The following IARS1 variants were observed in gnomAD, a reference collection of about 807,000 sequenced individuals.
IARS1 encodes the protein isoleucyl-tRNA synthetase 1.
Under a neutral mutation model 168.2 loss-of-function variants are expected in IARS1, and 124 were observed. The observed-to-expected ratio is 0.74, with a 90% CI of 0.64 to 0.86. The LOEUF (loss-of-function observed/expected upper bound fraction) is 0.86, where lower values mean the gene tolerates loss of function less well. Ranked by LOEUF, IARS1 falls within the 40% of genes least tolerant of loss-of-function variation. IARS1 has a pLI of 0.00. For synonymous variants in IARS1, 532 were observed against 529.4 expected, an observed-to-expected ratio of 1.00 and a Z score of -0.07; for missense variants, 1,452 against 1,515.8, an observed-to-expected ratio of 0.96 and a Z score of 0.70.
rs57075703 is a variant in IARS1 at position 92,292,181 on chromosome 9, CTTTTT to C, written c.-8+1425_-8+1429del. On this transcript the variant is annotated intron_variant, in intron 1 of 33. Transcript: ENST00000443024. Reference sequence around the variant, plus strand: ...TACAGGTGTGCACCACCACACTCAGCTTTTTTTTTTTTTTTTTTTGGTGGGGAGGG... The same window carrying C: ...TACAGGTGTGCACCACCACACTCAGCTTTTTTTTTTTTTTGGTGGGGAGGG... 2.9e-3 allele frequency among the ~76,000 whole-genome samples: 348 copies of C among 118,006 alleles called. 3 individuals carry two copies. Among genetic ancestry groups the C allele is most frequent in the African/African-American group, 8.6e-3 (271 of 31,562 alleles). The allele number at this position is 118,006 out of a possible 152,430, so 77.4% of individuals were successfully genotyped here. A position where few individuals can be genotyped will look rare whatever the true frequency, so the allele number is the denominator to read the frequency against.
At chr9:92,218,077 T>A (rs1028497890) in intron 33 of IARS1, among the ~76,000 whole-genome samples, 2 of 152,120 alleles carry the variant, frequency 1.3e-5, no homozygotes, top group South Asian at 2.1e-4. Flanking sequence ...TTATCCACCA[T>A]GATCAAGTGG....
In IARS1 at chr9:92,210,748, T is replaced by C. The variant is rs1587666468; in HGVS notation, c.*59A>G. ...TCATGTGTGTGTCTATGTGCATGTA[T>C]GTGTAGGGGATAGGTGTAATTAGGG... On this transcript the variant is annotated 3_prime_UTR_variant, in exon 34 of 34. Transcript: ENST00000443024. 2.0e-5 allele frequency: 19 copies of C among 934,352 alleles called. No homozygotes were observed. The highest frequency in any genetic ancestry group is 2.1e-4 in the Middle Eastern group (1 of 4,722). The allele number at this position is 934,352 out of a possible 1,614,324, so 57.9% of individuals were successfully genotyped here. A position where few individuals can be genotyped will look rare whatever the true frequency, so the allele number is the denominator to read the frequency against.
At chr9:92,242,467 G>C in intron 28 of IARS1, 137 bp from the exon 29 acceptor site, 1 of 652,078 alleles carries the variant, frequency 1.5e-6, no homozygotes, top group Non-Finnish European at 2.6e-6. Flanking sequence ...CTCCCTGCTG[G>C]GTGATCCGTA....
intron 31 of IARS1, among the ~76,000 whole-genome samples, chr9:92,228,619 CAGG>C (rs1826135048): frequency 6.6e-6 from 1 of 152,132 alleles, no homozygotes; most frequent in Admixed American, 6.5e-5. Context: ...GAGGTCAAGG[CAGG>C]AGGATTACTT....
Position 92,210,696 on chromosome 9 carries a change from C to A in IARS1, c.*111G>T. On this transcript the variant is annotated 3_prime_UTR_variant, in exon 34 of 34. Transcript: ENST00000443024. The stretch of plus-strand genomic sequence containing the variant: ...CAATCCAAGCAGCATATTTTACACA[C>A]ACCTGAAGGAAATATCTTCAGTGTG... The A allele has an allele frequency of 1.4e-6, 1 of 707,462 alleles. No homozygotes were observed. The allele number at this position is 707,462 out of a possible 1,614,324, so 43.8% of individuals were successfully genotyped here.
At chr9:92,240,564 T>C (rs1039928276) in intron 30 of IARS1, 12 of 643,266 alleles carry the variant, frequency 1.9e-5, no homozygotes, top group South Asian at 9.0e-5. Flanking sequence ...CTGGCCCTTT[T>C]TTTTTTTTTA....
chr9:92,219,110 A>G (rs1333477574), intron 33 of IARS1, among the ~76,000 whole-genome samples: 1 of 152,176 alleles, frequency 6.6e-6, no homozygotes, highest in African/African-American at 2.4e-5. Flanking sequence ...CCCCTCAGAA[A>G]TAACGCCACG....
chr9:92,248,163 C>A (rs1829494323), intron 25 of IARS1, among the ~76,000 whole-genome samples: 1 of 152,108 alleles, frequency 6.6e-6, no homozygotes, highest in Non-Finnish European at 1.5e-5. Context: ...TTGCAGAGTA[C>A]CACAAGGTTA....
chr9:92,288,040 TTCA>T (rs1835725828), intron 3 of IARS1, 83 bp downstream of exon 3: 2 of 1,521,176 alleles, frequency 1.3e-6, no homozygotes, highest in Non-Finnish European at 9.0e-7. Flanking sequence ...ACAGTCAACG[TTCA>T]TCATACTTGA....
intron 33 of IARS1, 21 bp downstream of exon 33, chr9:92,222,499 T>TA (rs1358576994): frequency 1.4e-5 from 23 of 1,604,212 alleles, no homozygotes; most frequent in Non-Finnish European, 1.9e-5. Context: ...ATAAAAAACT[T>TA]ACGGTCCACA....
At chr9:92,223,850 AGAT>A (rs1402473391) in intron 31 of IARS1, among the ~76,000 whole-genome samples, 4 of 152,236 alleles carry the variant, frequency 2.6e-5, no homozygotes, top group Non-Finnish European at 5.9e-5. Context: ...TACAGTCAGA[AGAT>A]GTTATTTGAC....
At chr9:92,224,389 G>T (rs1825305447) in intron 31 of IARS1, among the ~76,000 whole-genome samples, 1 of 152,218 alleles carries the variant, frequency 6.6e-6, no homozygotes, top group Non-Finnish European at 1.5e-5. Flanking sequence ...GCTAGGAGTA[G>T]ATCTACACTG....
At chr9:92,219,228 A>T (rs1839277253) in intron 33 of IARS1, among the ~76,000 whole-genome samples, 1 of 152,218 alleles carries the variant, frequency 6.6e-6, no homozygotes, top group African/African-American at 2.4e-5. Context: ...GTATGTAGAA[A>T]GCTGAAACTG....
intron 12 of IARS1, among the ~76,000 whole-genome samples, chr9:92,270,693 A>G (rs894249862): frequency 3.3e-5 from 5 of 152,106 alleles, no homozygotes; most frequent in African/African-American, 1.2e-4. Context: ...CTACTCCAGA[A>G]GCTGAGGTGG....
chr9:92,281,590 C>T (rs927895454), intron 6 of IARS1, among the ~76,000 whole-genome samples: 7 of 152,148 alleles, frequency 4.6e-5, no homozygotes, highest in African/African-American at 1.7e-4. Flanking sequence ...AAAGATCCTA[C>T]TGAAGCAACA....
chr9:92,223,305 C>A, intron 32 of IARS1, 41 bp downstream of exon 32: 3 of 1,559,224 alleles, frequency 1.9e-6, no homozygotes, highest in Non-Finnish European at 2.6e-6. Flanking sequence ...AACTTCAATG[C>A]CCAGCACCCC....
At chr9:92,271,388 C>T in intron 11 of IARS1, 145 bp downstream of exon 11, 1 of 1,025,680 alleles carries the variant, frequency 9.7e-7, no homozygotes, top group Non-Finnish European at 1.5e-6. Flanking sequence ...CTGAACGTAA[C>T]TGATAACATC....
At chr9:92,278,014 G>C in intron 8 of IARS1, 91 bp from the exon 9 acceptor site, 2 of 1,283,874 alleles carry the variant, frequency 1.6e-6, no homozygotes, top group Non-Finnish European at 2.2e-6. Flanking sequence ...CTGGTTTACT[G>C]GCTTCTTAGC....
In IARS1 at chr9:92,222,079, A is replaced by G. The variant is rs562755280; in HGVS notation, c.3706+441T>C. On this transcript the variant is annotated intron_variant, in intron 33 of 33. Coordinates refer to ENST00000443024, the MANE Select transcript of IARS1 (RefSeq NM_002161.6). ...ACGCCTGTAATCCCAGCACTTTGGGAGGCCGAGGTGGGCGGATCACCTGAG... is the reference window on the plus strand; with the variant it reads ...ACGCCTGTAATCCCAGCACTTTGGGGGGCCGAGGTGGGCGGATCACCTGAG... Among the ~76,000 whole-genome samples, 148 of 152,294 alleles carry G rather than the reference A, an allele frequency of 9.7e-4. 1 individual carries two copies. Among genetic ancestry groups the G allele is most frequent in the African/African-American group, 3.1e-3 (127 of 41,576 alleles).
Sources: gnomAD v4.1 joint callset for allele counts (sites outside exome capture counted in the v4.1 genomes callset) on GRCh38, gnomAD v4.1.1 for gene constraint, MANE v1.5 for transcripts, NCBI Gene and HGNC (gene_info 2026-07-23, HGNC 2026-07-21) for gene names.